DPP10: variants seen among roughly 807,000 people sequenced by gnomAD.
DPP10 encodes inactive dipeptidyl peptidase 10.
Under a neutral mutation model 120.9 loss-of-function variants are expected in DPP10, and 33 were observed. That is an observed-to-expected ratio of 0.27 (90% CI 0.21 to 0.37). The LOEUF is 0.37. DPP10 is among the 10% of genes least tolerant of loss of function. The pLI, the probability that DPP10 is intolerant of heterozygous loss-of-function variation, is 1.00. For missense variants in DPP10, 816 were observed against 942.8 expected (o/e 0.87, Z 1.76); for synonymous variants, 337 against 326.1 (o/e 1.03, Z -0.36).
intron 3 of DPP10, among the ~76,000 whole-genome samples, chr2:115,378,248 C>T (rs1011409529): frequency 4.0e-5 from 6 of 151,652 alleles, no homozygotes; most frequent in Non-Finnish European, 5.9e-5. Flanking sequence ...GTTTGTAGTT[C>T]TCCTTGAAGA....
intron 1 of DPP10, among the ~76,000 whole-genome samples, chr2:114,518,339 A>G (rs1412361078): frequency 6.6e-6 from 1 of 151,920 alleles, no homozygotes; most frequent in East Asian, 1.9e-4. Context: ...CGGCCTCCCA[A>G]CGTGCTAGGA....
chr2:115,597,803 T>G (rs528836616), intron 5 of DPP10, among the ~76,000 whole-genome samples: 1 of 152,150 alleles, frequency 6.6e-6, no homozygotes, highest in East Asian at 1.9e-4. Context: ...TCTAGAAATA[T>G]CAAATCAAAA....
chr2:114,572,601 A>G (rs1689744242), intron 1 of DPP10, among the ~76,000 whole-genome samples: 1 of 152,204 alleles, frequency 6.6e-6, no homozygotes, highest in African/African-American at 2.4e-5. Context: ...CTAAATGAGA[A>G]CTATTGTGTG....
chr2:115,422,407 G>A (rs2070059296), intron 3 of DPP10, among the ~76,000 whole-genome samples: 1 of 152,152 alleles, frequency 6.6e-6, no homozygotes, highest in Non-Finnish European at 1.5e-5. Flanking sequence ...TAAGAAGTCT[G>A]TGTGGCTATG....
In DPP10 at chr2:115,772,008, T is replaced by C. The variant is rs530097639; in HGVS notation, c.1221+3604T>C. Among the ~76,000 whole-genome samples the C allele has an allele frequency of 2.0e-5, 3 of 152,094 alleles. No homozygotes were observed. In the South Asian group the frequency reaches 6.2e-4, roughly 32 times the overall value. ...CATATATTTTAGTGGGTTTTTTTTT[T>C]TCCTCATTTACAAGAGCTGTCCTTG... On this transcript the variant is annotated intron_variant, in intron 13 of 25. Transcript: ENST00000410059.
chr2:114,931,080 A>G (rs537873374), intron 1 of DPP10, among the ~76,000 whole-genome samples: 1 of 152,112 alleles, frequency 6.6e-6, no homozygotes, highest in Non-Finnish European at 1.5e-5. Flanking sequence ...CTCTTGCCTT[A>G]TTGTGTTTTC....
intron 1 of DPP10, among the ~76,000 whole-genome samples, chr2:115,240,688 C>T (rs2058230918): frequency 6.6e-6 from 1 of 152,196 alleles, no homozygotes; most frequent in Non-Finnish European, 1.5e-5. Flanking sequence ...CTTGCATCAT[C>T]ACGATATTTG....
At chr2:115,382,317 TTTTCCAGGTGCCGTCTGTCACCCC>T (rs2066451612) in intron 3 of DPP10, among the ~76,000 whole-genome samples, 1 of 152,000 alleles carries the variant, frequency 6.6e-6, no homozygotes, top group Non-Finnish European at 1.5e-5. Context: ...AGTGACCTGA[TTTTCCAGGTGCCGTCTGTCACCCC>T]TTTCTTTGAC....
intron 1 of DPP10, among the ~76,000 whole-genome samples, chr2:114,979,904 C>T (rs550959917): frequency 1.3e-5 from 2 of 151,988 alleles, no homozygotes; most frequent in South Asian, 2.1e-4. Flanking sequence ...TGCCTGCTGG[C>T]GCAAAAGTCG....
At chr2:115,537,261 T>A (rs919875055) in intron 5 of DPP10, among the ~76,000 whole-genome samples, 1 of 152,032 alleles carries the variant, frequency 6.6e-6, no homozygotes, top group Non-Finnish European at 1.5e-5. Context: ...ATGTGCCTGT[T>A]ATTTATTTTT....
At chr2:114,884,548 C>T (rs560422229) in intron 1 of DPP10, among the ~76,000 whole-genome samples, 5 of 152,264 alleles carry the variant, frequency 3.3e-5, no homozygotes, top group South Asian at 4.1e-4. Context: ...CTGTCTCCCC[C>T]TTCCACGTTT....
intron 1 of DPP10, among the ~76,000 whole-genome samples, chr2:114,910,081 A>G (rs1048278124): frequency 6.6e-6 from 1 of 151,910 alleles, no homozygotes; most frequent in African/African-American, 2.4e-5. Flanking sequence ...TATGAAGAAT[A>G]GAGAACTACT....
At chr2:115,696,837 A>AT (rs56811773) in intron 7 of DPP10, among the ~76,000 whole-genome samples, 5 of 152,000 alleles carry the variant, frequency 3.3e-5, no homozygotes, top group Non-Finnish European at 7.4e-5. Context: ...TGTATTTCAC[A>AT]TTTTTTTTAG....
chr2:115,326,786 G>C (rs1274443347), intron 2 of DPP10, among the ~76,000 whole-genome samples: 1 of 152,068 alleles, frequency 6.6e-6, no homozygotes, highest in African/African-American at 2.4e-5. Flanking sequence ...TTTGTGTTCA[G>C]TTGTCAAATG....
At chr2:114,653,454 A>G (rs144058131) in intron 1 of DPP10, among the ~76,000 whole-genome samples, 14 of 152,316 alleles carry the variant, frequency 9.2e-5, no homozygotes, top group African/African-American at 3.4e-4. Context: ...TTTTTCTAAA[A>G]GTCACCCAGT....
chr2:115,157,959 A>T (rs946504768), intron 1 of DPP10, among the ~76,000 whole-genome samples: 2 of 152,334 alleles, frequency 1.3e-5, no homozygotes, highest in South Asian at 4.1e-4. Context: ...GAGGGTTTCT[A>T]GCAACTAGCT....
At chr2:115,569,510 A>G (rs2081216854) in intron 5 of DPP10, among the ~76,000 whole-genome samples, 1 of 152,256 alleles carries the variant, frequency 6.6e-6, no homozygotes. Context: ...AAGAATTAAT[A>G]CAGAATTCAT....
At chr2:114,528,141 C>G (rs931008382) in intron 1 of DPP10, among the ~76,000 whole-genome samples, 1 of 152,058 alleles carries the variant, frequency 6.6e-6, no homozygotes, top group Admixed American at 6.5e-5. Flanking sequence ...ACACTGATGA[C>G]TTTACAGCCA....
intron 3 of DPP10, among the ~76,000 whole-genome samples, chr2:115,473,435 G>A (rs996963536): frequency 2.6e-5 from 4 of 152,266 alleles, no homozygotes; most frequent in African/African-American, 9.6e-5. Context: ...CAATGAGTGA[G>A]GGCTCCTTGA....
Sources: gnomAD v4.1 joint callset for allele counts (sites outside exome capture counted in the v4.1 genomes callset) on GRCh38, gnomAD v4.1.1 for gene constraint, MANE v1.5 for transcripts, NCBI Gene and HGNC (gene_info 2026-07-23, HGNC 2026-07-21) for gene names.